ABCB4: variants seen among roughly 807,000 people sequenced by gnomAD.
ABCB4 encodes phosphatidylcholine translocator ABCB4.
ABCB4 carries 76 observed loss-of-function variants against 145.7 expected under a neutral mutation model. The ratio of observed to expected loss-of-function variants is 0.52; its 90% CI spans 0.43 to 0.63. The LOEUF (loss-of-function observed/expected upper bound fraction) is 0.63, where lower values mean the gene tolerates loss of function less well. Ranked by LOEUF, ABCB4 falls within the 30% of genes least tolerant of loss-of-function variation. The pLI, the probability that ABCB4 is intolerant of heterozygous loss-of-function variation, is 0.00. For missense variants in ABCB4, 1,234 were observed against 1,553.1 expected (o/e 0.79, Z 3.45); for synonymous variants, 517 against 566.8 (o/e 0.91, Z 1.25).
intron 4 of ABCB4, among the ~76,000 whole-genome samples, chr7:87,459,837 A>G (rs1375614560): frequency 6.6e-6 from 1 of 152,232 alleles, no homozygotes; most frequent in Non-Finnish European, 1.5e-5. Flanking sequence ...TAGACCATAC[A>G]TGAACAGATA....
At chr7:87,409,575 C>T (rs1311599834) in intron 23 of ABCB4, among the ~76,000 whole-genome samples, 183 bp from the exon 24 acceptor site, 2 of 152,116 alleles carry the variant, frequency 1.3e-5, no homozygotes, top group Non-Finnish European at 1.5e-5. Flanking sequence ...GGGCAAGATC[C>T]ACTTCCTGAG....
In ABCB4 at chr7:87,447,271, C is replaced by A. The variant is rs1014283; in HGVS notation, c.834-66G>T. On this transcript the variant is annotated intron_variant, in intron 8 of 27. Coordinates refer to ENST00000649586, the MANE Select transcript of ABCB4 (RefSeq NM_000443.4). ...AACAATCCATAGTCCGAGTCACACTCGGCTCCTATATAGTTGGAGGTTTAA... is the reference window on the plus strand; with the variant it reads ...AACAATCCATAGTCCGAGTCACACTAGGCTCCTATATAGTTGGAGGTTTAA... The A allele has an allele frequency of 0.2, 302,812 of 1,495,652 alleles. 34,754 individuals carry two copies. The highest frequency in any genetic ancestry group is 0.5 in the African/African-American group (35,765 of 72,128). The allele number at this position is 1,495,652 out of a possible 1,614,324, so 92.6% of individuals were successfully genotyped here.
At chr7:87,420,141 T>C (rs780561836) in intron 18 of ABCB4, 66 bp from the exon 19 acceptor site, 45 of 1,474,040 alleles carry the variant, frequency 3.1e-5, no homozygotes, top group Non-Finnish European at 4.0e-5. Context: ...AGACCAATCA[T>C]GTTCAACTTT....
intron 15 of ABCB4, among the ~76,000 whole-genome samples, chr7:87,430,977 G>A (rs577724880): frequency 6.6e-6 from 1 of 152,266 alleles, no homozygotes; most frequent in African/African-American, 2.4e-5. Context: ...GAACCCTACA[G>A]CAGTGCTCTG....
At chr7:87,374,171 TA>T in the ABCB4 span, among the ~76,000 whole-genome samples, 114 of 152,184 alleles carry the variant, frequency 7.5e-4, no homozygotes, top group African/African-American at 2.1e-3. Context: ...CTTTGAAATA[TA>T]AAAAATTAGA....
At chr7:87,382,138 T>C in the ABCB4 span, 1 of 1,613,554 alleles carries the variant, frequency 6.2e-7, no homozygotes, top group South Asian at 1.1e-5. Context: ...GATGAGAAAG[T>C]TTTAAATGAC....
chr7:87,375,533 C>A, the ABCB4 span: 2 of 774,730 alleles, frequency 2.6e-6, no homozygotes, highest in Non-Finnish European at 4.2e-6. Context: ...GTAATATATC[C>A]AAACATTTAA....
At chr7:87,382,616 C>G in the ABCB4 span, 3 of 1,452,698 alleles carry the variant, frequency 2.1e-6, no homozygotes, top group African/African-American at 4.3e-5. Flanking sequence ...GCTATTTCAT[C>G]CTAACTCCTC....
chr7:87,420,261 G>C (rs892396563), intron 18 of ABCB4, among the ~76,000 whole-genome samples, 186 bp from the exon 19 acceptor site: 1 of 152,144 alleles, frequency 6.6e-6, no homozygotes, highest in African/African-American at 2.4e-5. Flanking sequence ...AGGAACCTAA[G>C]TGCTCCGAAA....
chr7:87,436,016 T>C (rs45573031), intron 14 of ABCB4, among the ~76,000 whole-genome samples: 1,747 of 152,280 alleles, frequency 0.011, 41 homozygotes, highest in African/African-American at 0.04. Flanking sequence ...GAAAGACATT[T>C]TACTTAATGA....
chr7:87,431,513 C>G lies in ABCB4; in HGVS notation c.1784G>C (p.Arg595Pro). The G allele has an allele frequency of 6.2e-7, 1 of 1,614,120 alleles. No individual in the cohort carries two copies. Among genetic ancestry groups the G allele is most frequent in the African/African-American group, 1.3e-5 (1 of 75,038 alleles). ...AAACCCAGCGATGACATCTGCATTT[C>G]GGACCGTAGACAGTCGGTGTGCTAT... ...IVIAHRLSTV[R>P]NADVIAGFED... The change falls in exon 15 of 28, where the codon CGA becomes CCA. Residue 595 changes from arginine to proline, a missense_variant. Physicochemically the swap from Arg to Pro is moderately radical, Grantham distance 103 (BLOSUM62 -2). Around this residue, in one of 7 missense-constraint regions of ABCB4, gnomAD observed 321 missense variants for 332.6 expected, o/e 0.97. Coordinates refer to ENST00000649586, the MANE Select transcript of ABCB4 (RefSeq NM_000443.4).
At chr7:87,374,713 G>A in the ABCB4 span, among the ~76,000 whole-genome samples, 1 of 152,026 alleles carries the variant, frequency 6.6e-6, no homozygotes, top group Admixed American at 6.6e-5. Flanking sequence ...AGCAAGAAAT[G>A]TATTTCTTTA....
rs1162229833 is a variant in ABCB4, at chr7:87,465,472, G to C, written c.136-2564C>G. Among the ~76,000 whole-genome samples the C allele has an allele frequency of 3.3e-5, 5 of 152,174 alleles. 1 individual carries two copies. The highest frequency in any genetic ancestry group is 1.5e-5 in the Non-Finnish European group (1 of 68,034). ...CTGCCTCTGTAGACTCTGCCTCTAG[G>C]GGTAGGGCATAGCTGAACAAAAGGC... On this transcript the variant is annotated intron_variant, in intron 3 of 27. Transcript: ENST00000649586.
Position 87,402,423 on chromosome 7 carries a change from T to A in ABCB4, c.3634-121A>T, listed in dbSNP as rs1276467971. On this transcript the variant is annotated intron_variant, in intron 27 of 27. Transcript: ENST00000649586. Reference sequence around the variant, plus strand: ...TTTAATTTCTAGTATCTTAGAATCTTTGAACTTTATGCATGTGTATTTTGT... The same window carrying A: ...TTTAATTTCTAGTATCTTAGAATCTATGAACTTTATGCATGTGTATTTTGT... 2.5e-6 allele frequency: 3 copies of A among 1,210,968 alleles called. No homozygotes were observed. In the African/African-American group the frequency reaches 4.5e-5, roughly 18 times the overall value. 75.0% of individuals were successfully genotyped at this position (1,210,968 alleles called of 1,614,324 possible).
chr7:87,394,180 C>G, the ABCB4 span, among the ~76,000 whole-genome samples: 11 of 152,112 alleles, frequency 7.2e-5, no homozygotes, highest in Admixed American at 7.2e-4. Flanking sequence ...CACTGTACTA[C>G]TATAATAATT....
the ABCB4 span, among the ~76,000 whole-genome samples, chr7:87,367,541 A>T: frequency 6.6e-6 from 1 of 152,196 alleles, no homozygotes; most frequent in African/African-American, 2.4e-5. Context: ...AAATATACTG[A>T]TTCAAATATT....
chr7:87,420,132 G>T, intron 18 of ABCB4, 57 bp from the exon 19 acceptor site: 1 of 1,509,492 alleles, frequency 6.6e-7, no homozygotes, highest in Non-Finnish European at 9.2e-7. Flanking sequence ...AATTGCACCA[G>T]ACCAATCATG....
chr7:87,434,498 C>A (rs937119872), intron 14 of ABCB4, among the ~76,000 whole-genome samples: 1 of 151,758 alleles, frequency 6.6e-6, no homozygotes, highest in African/African-American at 2.4e-5. Flanking sequence ...ACCTGTAATC[C>A]CAGAACTTTG....
chr7:87,382,269 G>A, the ABCB4 span: 1 of 1,399,016 alleles, frequency 7.1e-7, no homozygotes, highest in Non-Finnish European at 9.9e-7. Flanking sequence ...AAGCATGTCT[G>A]CACAAAACAT....
Sources: gnomAD v4.1 joint callset for allele counts (sites outside exome capture counted in the v4.1 genomes callset) on GRCh38, gnomAD v4.1.1 for gene constraint, gnomAD v4.1.1 regional missense constraint, MANE v1.5 for transcripts, NCBI Gene and HGNC (gene_info 2026-07-23, HGNC 2026-07-21) for gene names.